The following GPR160 variants were observed in gnomAD, a reference collection of about 807,000 sequenced individuals.
The protein encoded by GPR160 is probable G protein-coupled receptor 160.
GPR160 carries 2 observed loss-of-function variants against 2.6 expected under a neutral mutation model. That is an observed-to-expected ratio of 0.77 (90% confidence interval 0.32 to 2.44). The LOEUF is 2.44. Ranked by LOEUF, GPR160 falls within the 30% of genes most tolerant of loss-of-function variation. The pLI is 0.11. For synonymous variants in GPR160, 130 were observed against 132.2 expected, an observed-to-expected ratio of 0.98 and a Z score of 0.12; for missense variants, 351 against 383.6, an observed-to-expected ratio of 0.91 and a Z score of 0.71.
intron 2 of GPR160, chr3:170,062,702 G>GA (rs1159663542): frequency 3.9e-5 from 55 of 1,399,160 alleles, no homozygotes; most frequent in Non-Finnish European, 5.4e-5. Flanking sequence ...ACAGGCCCCC[G>GA]AAAAAAAGCT....
intron 2 of GPR160, among the ~76,000 whole-genome samples, chr3:170,061,687 A>ATCTTAGTTTGG (rs1263578968): frequency 6.6e-6 from 1 of 152,136 alleles, no homozygotes; most frequent in African/African-American, 2.4e-5. Flanking sequence ...ACTTTGGTAT[A>ATCTTAGTTTGG]TTTCCATCTC....
chr3:170,062,356 T>C lies in GPR160; in HGVS notation c.-192-17418T>C, dbSNP rs1482153253. ...GGTCCAGGGAGGCGCTGCACCGACG[T>C]TGGGGAGAATGTATGTCCTGGCAAT... On this transcript the variant is annotated intron_variant, in intron 2 of 3. Transcript: ENST00000355897. The C allele has an allele frequency of 1.4e-5, 4 of 294,348 alleles. 1 individual carries two copies. Among genetic ancestry groups the C allele is most frequent in the East Asian group, 1.0e-4 (1 of 9,946 alleles). 18.2% of individuals were successfully genotyped at this position (294,348 alleles called of 1,614,324 possible).
chr3:170,055,102 A>T (rs1711567114), intron 2 of GPR160, among the ~76,000 whole-genome samples: 1 of 152,178 alleles, frequency 6.6e-6, no homozygotes, highest in African/African-American at 2.4e-5. Context: ...CCAGGATTTC[A>T]TTTCCTTTTA....
chr3:170,046,637 C>T (rs1716731827), intron 2 of GPR160, among the ~76,000 whole-genome samples: 1 of 152,124 alleles, frequency 6.6e-6, no homozygotes. Context: ...AGAACAGATA[C>T]ATTGAGAGGC....
chr3:170,065,744 G>A (rs1042678708), intron 2 of GPR160, among the ~76,000 whole-genome samples: 1 of 152,136 alleles, frequency 6.6e-6, no homozygotes, highest in African/African-American at 2.4e-5. Context: ...TTGTGTAATT[G>A]AGAATTGTAC....
chr3:170,056,416 AAT>A (rs1711645622), intron 2 of GPR160, among the ~76,000 whole-genome samples: 1 of 152,246 alleles, frequency 6.6e-6, no homozygotes, highest in South Asian at 2.1e-4. Flanking sequence ...CAGGGGACAT[AAT>A]CTTAACTTTC....
At chr3:170,048,429 A>C (rs1576890103) in intron 2 of GPR160, among the ~76,000 whole-genome samples, 1 of 152,248 alleles carries the variant, frequency 6.6e-6, no homozygotes, top group East Asian at 1.9e-4. Context: ...TTTTTTTTAA[A>C]TAAAAAATCA....
At chr3:170,078,528 A>G (rs1211036610) in intron 2 of GPR160, among the ~76,000 whole-genome samples, 2 of 152,118 alleles carry the variant, frequency 1.3e-5, no homozygotes, top group African/African-American at 4.8e-5. Context: ...TACTTTCAAC[A>G]CTTACAAAGA....
At chr3:170,062,734 C>T (rs1712032516) in intron 2 of GPR160, 2 of 1,164,986 alleles carry the variant, frequency 1.7e-6, no homozygotes, top group East Asian at 2.4e-5. Context: ...CGCAAACTCA[C>T]GGATTTCTAC....
intron 2 of GPR160, among the ~76,000 whole-genome samples, chr3:170,041,298 A>AT (rs764849488): frequency 0.12 from 14,202 of 120,858 alleles, 950 homozygotes; most frequent in East Asian, 0.17. Flanking sequence ...GGATGTAAAG[A>AT]TTTTTTTTTT....
chr3:170,084,088 A>G lies in GPR160; in HGVS notation c.116A>G (p.Asn39Ser), dbSNP rs1216469547. 3 of 1,591,524 alleles carry G rather than the reference A, an allele frequency of 1.9e-6. No individual in the cohort carries two copies. The South Asian group carries it at 3.4e-5, about 18-fold the overall frequency. Reference sequence around the variant, plus strand: ...ATCATACTTGGGAAAATATTATTAAATATCCTTACACTAGGAATGAGAAGA... The same window carrying G: ...ATCATACTTGGGAAAATATTATTAAGTATCCTTACACTAGGAATGAGAAGA... The part of the protein sequence containing the change: ...FLIILGKILL[N>S]ILTLGMRRKN... The change falls in exon 4 of 4, where the codon AAT (asparagine) becomes AGT (serine). Residue 39 changes from asparagine (N) to serine (S), a missense_variant. Asn to Ser is a conservative substitution (Grantham distance 46). Coordinates refer to ENST00000355897, the MANE Select transcript of GPR160 (RefSeq NM_014373.3).
chr3:170,038,225 G>C lies in GPR160; in HGVS notation c.-322+10G>C, dbSNP rs1222334893. The C allele has an allele frequency of 6.6e-6, 1 of 152,104 alleles. No homozygotes were observed. The highest frequency in any genetic ancestry group is 6.5e-5 in the Admixed American group (1 of 15,284). The allele number at this position is 152,104 out of a possible 1,614,324, so 9.4% of individuals were successfully genotyped here. ...AGCCATCGATCCTCGGGTGAGTGCG[G>C]GCGCAGGTGGAGGGCGCCCGGCGCT... is the stretch of plus-strand genomic sequence containing the variant. On this transcript the variant is annotated intron_variant, in intron 1 of 3. Coordinates refer to ENST00000355897, the MANE Select transcript of GPR160 (RefSeq NM_014373.3). This position sits in a 1 kb window ranked among gnomAD's most constrained non-coding sequence, Gnocchi z 5.3.
intron 2 of GPR160, among the ~76,000 whole-genome samples, chr3:170,064,675 C>T (rs1712218461): frequency 1.3e-5 from 2 of 151,888 alleles, no homozygotes; most frequent in Admixed American, 1.3e-4. Flanking sequence ...CATGCCACCG[C>T]GCCTGGCTAA....
chr3:170,048,381 A>AAT (rs1358035723), intron 2 of GPR160, among the ~76,000 whole-genome samples: 1 of 152,196 alleles, frequency 6.6e-6, no homozygotes, highest in African/African-American at 2.4e-5. Context: ...TCATCTATGT[A>AAT]ACCAAAACCC....
At position 170,084,637 on chromosome 3, in the gene GPR160, T is replaced by C; in HGVS notation, c.665T>C (p.Leu222Ser). Residue 222 changes from leucine (L) to serine (S), a missense_variant, in exon 4 of 4, where the codon TTA becomes TCA. Physicochemically the swap from Leu to Ser is moderately radical, Grantham distance 145. Transcript: ENST00000355897. ...ACTTCCTATATGAATGAAACTATCT[T>C]ATATTTTCCTTTTTCATCCCACTCC... ...RITSYMNETI[L>S]YFPFSSHSSY... 1 of 1,609,806 alleles carries C rather than the reference T, an allele frequency of 6.2e-7. No individual in the cohort carries two copies. The highest frequency in any genetic ancestry group is 8.5e-7 in the Non-Finnish European group (1 of 1,176,246).
chr3:170,053,927 G>A (rs1182984258), intron 2 of GPR160, among the ~76,000 whole-genome samples: 4 of 151,156 alleles, frequency 2.6e-5, no homozygotes, highest in Non-Finnish European at 5.9e-5. Context: ...CTCAAATTAG[G>A]GAAAAGACCA....
At chr3:170,045,949 A>G (rs1186261424) in intron 2 of GPR160, among the ~76,000 whole-genome samples, 2 of 152,174 alleles carry the variant, frequency 1.3e-5, no homozygotes, top group African/African-American at 2.4e-5. Context: ...TAATACCTAC[A>G]TCATAGGGCG....
chr3:170,081,066 G>T (rs1289241500), intron 3 of GPR160, among the ~76,000 whole-genome samples: 1 of 152,158 alleles, frequency 6.6e-6, no homozygotes, highest in Non-Finnish European at 1.5e-5. Context: ...TGAGACAGAT[G>T]ATTCTATTCT....
chr3:170,048,283 A>G (rs1237797632), intron 2 of GPR160, among the ~76,000 whole-genome samples: 1 of 152,158 alleles, frequency 6.6e-6, no homozygotes, highest in Non-Finnish European at 1.5e-5. Flanking sequence ...TGGGAAGGGG[A>G]TGAGGGATGA....
Sources: allele counts gnomAD v4.1 joint callset (sites outside exome capture counted in the v4.1 genomes callset), GRCh38; gene constraint gnomAD v4.1.1; non-coding constraint Gnocchi (gnomAD v3.1); transcripts MANE v1.5; gene names NCBI Gene and HGNC (gene_info 2026-07-23, HGNC 2026-07-21).